The following ADGRL2 variants were observed in gnomAD, a reference collection of about 807,000 sequenced individuals.
ADGRL2 encodes the protein adhesion G protein-coupled receptor L2, also known as calcium-independent alpha-latrotoxin receptor 2.
In ADGRL2, 44 loss-of-function variants were observed where a neutral mutation model predicts 157.4. The ratio of observed to expected loss-of-function variants is 0.28; its 90% confidence interval spans 0.22 to 0.36. The LOEUF is 0.36. Ranked by LOEUF, ADGRL2 falls within the 10% of genes least tolerant of loss-of-function variation. The pLI, the probability that ADGRL2 is intolerant of heterozygous loss-of-function variation, is 1.00. For synonymous variants in ADGRL2, 585 were observed against 624.7 expected (o/e 0.94, Z 0.95); for missense variants, 1,510 against 1,768.9 (o/e 0.85, Z 2.63).
In ADGRL2 at chr1:81,615,459, C is replaced by T. The variant is rs190101982; in HGVS notation, c.-143+34479C>T. On this transcript the variant is annotated intron_variant, in intron 3 of 24. Coordinates refer to the ADGRL2 transcript ENST00000370721. ...CCTTTAAGAGCTGTAACACTCACCG[C>T]GAAGGTCTGCAACTTCACTCCTGAA... Among the ~76,000 whole-genome samples the T allele has an allele frequency of 6.6e-4, 100 of 152,296 alleles. 1 individual carries two copies. Among genetic ancestry groups the T allele is most frequent in the East Asian group, 4.1e-3 (21 of 5,164 alleles).
chr1:81,484,917 T>A (rs1281948083), intron 2 of ADGRL2, among the ~76,000 whole-genome samples: 1 of 152,156 alleles, frequency 6.6e-6, no homozygotes, highest in African/African-American at 2.4e-5. Context: ...ATAAGGTGTT[T>A]ACAAAATCCA....
At chr1:81,309,125 C>A (rs372771772) in intron 1 of ADGRL2, among the ~76,000 whole-genome samples, 1 of 152,082 alleles carries the variant, frequency 6.6e-6, no homozygotes, top group African/African-American at 2.4e-5. Context: ...AAACTTGCGA[C>A]CCTGCTTAAG....
intron 1 of ADGRL2, among the ~76,000 whole-genome samples, chr1:81,444,053 G>A (rs557246225): frequency 1.3e-5 from 2 of 152,334 alleles, no homozygotes; most frequent in South Asian, 4.1e-4. Flanking sequence ...CTTGTAGCCA[G>A]AGTTTGCAGA....
intron 1 of ADGRL2, among the ~76,000 whole-genome samples, chr1:81,355,077 G>A (rs890609341): frequency 6.6e-6 from 1 of 152,142 alleles, no homozygotes; most frequent in Non-Finnish European, 1.5e-5. Flanking sequence ...CTTTTTCTAT[G>A]TTTTAATAAA....
intron 2 of ADGRL2, among the ~76,000 whole-genome samples, chr1:81,570,074 T>A (rs1459302365): frequency 2.6e-5 from 4 of 152,090 alleles, no homozygotes; most frequent in Non-Finnish European, 5.9e-5. Flanking sequence ...AGTCACAACA[T>A]CATAGTCCCT....
At position 81,470,665 on chromosome 1, in the gene ADGRL2, G is replaced by A. The variant is rs532665699; in HGVS notation, c.-248+25576G>A. Among the ~76,000 whole-genome samples the A allele has an allele frequency of 1.8e-4, 28 of 152,256 alleles. 1 individual carries two copies. The South Asian group carries it at 5.8e-3, about 32-fold the overall frequency. On this transcript the variant is annotated intron_variant, in intron 2 of 24. Coordinates refer to the ADGRL2 transcript ENST00000370721. Reference sequence around the variant, plus strand: ...TGAGAGAACCCTATCTTCTTTGTGGGTGGGTTGTATTTCTGAACTATTGAA... The same window carrying A: ...TGAGAGAACCCTATCTTCTTTGTGGATGGGTTGTATTTCTGAACTATTGAA...
intron 2 of ADGRL2, among the ~76,000 whole-genome samples, chr1:81,794,043 A>T (rs1218437744): frequency 6.6e-6 from 1 of 152,128 alleles, no homozygotes; most frequent in Non-Finnish European, 1.5e-5. Flanking sequence ...AACTATAAAA[A>T]TTGTTTTTAT....
chr1:81,453,351 GA>G (rs2077737060), intron 2 of ADGRL2, among the ~76,000 whole-genome samples: 1 of 152,026 alleles, frequency 6.6e-6, no homozygotes, highest in Non-Finnish European at 1.5e-5. Flanking sequence ...AAAACGCCGA[GA>G]AAAACAAAGA....
intron 1 of ADGRL2, among the ~76,000 whole-genome samples, chr1:81,717,458 C>A (rs371044313): frequency 6.6e-6 from 1 of 152,130 alleles, no homozygotes; most frequent in South Asian, 2.1e-4. Context: ...AGTGAAATGT[C>A]AATAGGCTTC....
Position 81,548,735 on chromosome 1 carries a change from T to C in ADGRL2, c.-247-32141T>C, listed in dbSNP as rs188840493. ...AGCATTGTTTTCATCCAAATTGTATTCCAAATCTCTAAATAATCTCAAAGA... is the reference window on the plus strand; with the variant it reads ...AGCATTGTTTTCATCCAAATTGTATCCCAAATCTCTAAATAATCTCAAAGA... On this transcript the variant is annotated intron_variant, in intron 2 of 24. Coordinates refer to the ADGRL2 transcript ENST00000370721. Among the ~76,000 whole-genome samples, 16 of 152,286 alleles carry C rather than the reference T, an allele frequency of 1.1e-4. No homozygotes were observed. The East Asian group carries it at 2.7e-3, about 26-fold the overall frequency.
At chr1:81,855,966 T>C (rs2093187919) in intron 2 of ADGRL2, among the ~76,000 whole-genome samples, 1 of 152,132 alleles carries the variant, frequency 6.6e-6, no homozygotes, top group Non-Finnish European at 1.5e-5. Context: ...ATTTATATAG[T>C]TTGTTCGTGG....
Position 81,943,287 on chromosome 1 carries a change from A to C in ADGRL2, c.728A>C (p.Lys243Thr). 6.2e-7 allele frequency: 1 copy of C among 1,613,632 alleles called. No homozygotes were observed. The highest frequency in any genetic ancestry group is 8.5e-7 in the Non-Finnish European group (1 of 1,179,726). The change falls in exon 6 of 24, where the codon AAG becomes ACG. Residue 243 changes from lysine (K) to threonine (T), a missense_variant. Lys to Thr is a moderately conservative substitution (Grantham distance 78, BLOSUM62 -1). Transcript: ENST00000686636. This position sits in a 1 kb window ranked among gnomAD's most constrained non-coding sequence, Gnocchi z 5.6. ...IVKFDLRTRI[K>T]SGEAIINYAN... ...AAATTTGACTTGAGGACTAGAATTA[A>C]GAGTGGCGAGGCCATAATTAACTAT...
intron 2 of ADGRL2, among the ~76,000 whole-genome samples, chr1:81,525,071 A>T (rs982985457): frequency 1.3e-5 from 2 of 152,178 alleles, no homozygotes; most frequent in Non-Finnish European, 2.9e-5. Flanking sequence ...TTTGAATTAG[A>T]ACCTTTTGAG....
At chr1:81,929,880 G>A (rs1325917231) in intron 3 of ADGRL2, among the ~76,000 whole-genome samples, 2 of 152,144 alleles carry the variant, frequency 1.3e-5, no homozygotes, top group Non-Finnish European at 2.9e-5. Flanking sequence ...GTATTGTGCA[G>A]AGAGTTGCCT....
intron 1 of ADGRL2, among the ~76,000 whole-genome samples, chr1:81,433,175 CTTAAT>C (rs1249817847): frequency 1.3e-5 from 2 of 152,200 alleles, no homozygotes; most frequent in African/African-American, 2.4e-5. Context: ...ATTATTTGCT[CTTAAT>C]TTAAGAGAAT....
At chr1:81,875,231 T>C (rs570221100) in intron 2 of ADGRL2, among the ~76,000 whole-genome samples, 1 of 152,122 alleles carries the variant, frequency 6.6e-6, no homozygotes, top group Non-Finnish European at 1.5e-5. Flanking sequence ...AAATCAGAGT[T>C]GCATTAAAGG....
At chr1:81,832,204 C>T (rs1375720042) in intron 1 of ADGRL2, among the ~76,000 whole-genome samples, 4 of 152,116 alleles carry the variant, frequency 2.6e-5, no homozygotes, top group African/African-American at 4.8e-5. Context: ...TGCAGCGGCA[C>T]GATCTCGGCT....
chr1:81,708,452 C>T (rs894746248), intron 1 of ADGRL2, among the ~76,000 whole-genome samples: 8 of 152,094 alleles, frequency 5.3e-5, no homozygotes, highest in Non-Finnish European at 1.2e-4. Context: ...ACTGTCTTGA[C>T]TGAATGAGGA....
At chr1:81,309,454 C>A (rs1445390799) in intron 1 of ADGRL2, among the ~76,000 whole-genome samples, 1 of 152,108 alleles carries the variant, frequency 6.6e-6, no homozygotes, top group Non-Finnish European at 1.5e-5. Flanking sequence ...CCCATTTATT[C>A]TGTTCCTGGC....
Sources: gnomAD v4.1 joint callset for allele counts (sites outside exome capture counted in the v4.1 genomes callset) on GRCh38, gnomAD v4.1.1 for gene constraint, Gnocchi (gnomAD v3.1) non-coding constraint, MANE v1.5 for transcripts, NCBI Gene and HGNC (gene_info 2026-07-23, HGNC 2026-07-21) for gene names.